The following SDK1 variants were observed in gnomAD, a reference collection of about 807,000 sequenced individuals.
SDK1 encodes the protein protein sidekick-1.
SDK1 carries 157 observed loss-of-function variants against 245.5 expected under a neutral mutation model. The observed-to-expected ratio is 0.64, with a 90% CI of 0.56 to 0.73. SDK1 has a LOEUF of 0.73. Among genes scored for constraint, SDK1 ranks in the 30% least tolerant of loss-of-function variants. SDK1 has a pLI of 0.00. For synonymous variants in SDK1, 1,647 were observed against 1,278.5 expected, an observed-to-expected ratio of 1.29 and a Z score of -6.15; for missense variants, 3,583 against 3,002.3, an observed-to-expected ratio of 1.19 and a Z score of -4.52.
chr7:4,016,696 T>G (rs1041315809), intron 16 of SDK1, among the ~76,000 whole-genome samples: 5 of 152,190 alleles, frequency 3.3e-5, no homozygotes, highest in African/African-American at 1.2e-4. Flanking sequence ...CTGATTCTTG[T>G]TCTGGGATAC....
At chr7:3,755,993 CTT>C (rs1054743428) in intron 4 of SDK1, among the ~76,000 whole-genome samples, 3 of 151,366 alleles carry the variant, frequency 2.0e-5, no homozygotes, top group Non-Finnish European at 4.4e-5. Flanking sequence ...ACATGCATAT[CTT>C]TGATGTTTTG....
intron 4 of SDK1, among the ~76,000 whole-genome samples, chr7:3,680,534 T>C (rs924386690): frequency 6.6e-6 from 1 of 152,244 alleles, no homozygotes; most frequent in African/African-American, 2.4e-5. Context: ...CAGGTTTTGA[T>C]ATTGTACCAT....
Position 4,000,771 on chromosome 7 carries a change from A to G in SDK1, c.2132-10195A>G, listed in dbSNP as rs554169535. Among the ~76,000 whole-genome samples the G allele has an allele frequency of 2.0e-5, 3 of 152,356 alleles. No homozygotes were observed. In the South Asian group the frequency reaches 6.2e-4, roughly 32 times the overall value. ...ACACACCTCACACAGGCGTTTTCTA[A>G]TGGCCTCGGACTTTTCGGGGAGCAT... On this transcript the variant is annotated intron_variant, in intron 14 of 44. Coordinates refer to ENST00000404826, the MANE Select transcript of SDK1 (RefSeq NM_152744.4).
intron 1 of SDK1, among the ~76,000 whole-genome samples, chr7:3,567,912 A>C (rs1439427786): frequency 6.6e-6 from 1 of 152,184 alleles, no homozygotes; most frequent in Non-Finnish European, 1.5e-5. Context: ...CGTGGGCCCA[A>C]GTGGGCTGAT....
chr7:3,520,899 AC>A (rs775011952), intron 1 of SDK1, among the ~76,000 whole-genome samples: 1 of 152,184 alleles, frequency 6.6e-6, no homozygotes, highest in Non-Finnish European at 1.5e-5. Context: ...CCAGTTTAAA[AC>A]AACACTCATT....
chr7:3,676,483 G>T (rs138368275), intron 4 of SDK1, among the ~76,000 whole-genome samples: 2 of 151,886 alleles, frequency 1.3e-5, no homozygotes, highest in African/African-American at 4.8e-5. Flanking sequence ...CTGCCACCAC[G>T]CCCAGCTAAT....
chr7:3,726,990 T>C (rs10230508), intron 4 of SDK1, among the ~76,000 whole-genome samples: 21,126 of 152,220 alleles, frequency 0.14, 2,198 homozygotes, highest in African/African-American at 0.29. Context: ...TTGCCTGTCT[T>C]CCTGATAAAT....
intron 35 of SDK1, among the ~76,000 whole-genome samples, chr7:4,195,240 C>A (rs1783507983): frequency 6.6e-6 from 1 of 152,212 alleles, no homozygotes; most frequent in African/African-American, 2.4e-5. Flanking sequence ...TCTAGCAACT[C>A]TGAAATGGTG....
intron 35 of SDK1, among the ~76,000 whole-genome samples, chr7:4,197,976 T>C (rs181391999): frequency 7.9e-4 from 121 of 152,318 alleles, no homozygotes; most frequent in African/African-American, 2.7e-3. Flanking sequence ...CCTCCAGGAA[T>C]GCTCAGCTCA....
intron 1 of SDK1, among the ~76,000 whole-genome samples, chr7:3,515,476 A>G (rs1782716319): frequency 6.6e-6 from 1 of 152,154 alleles, no homozygotes; most frequent in East Asian, 1.9e-4. Flanking sequence ...CTAACTCTGT[A>G]ACTTCATGAA....
intron 5 of SDK1, among the ~76,000 whole-genome samples, chr7:3,823,762 A>G (rs148765206): frequency 6.6e-6 from 1 of 152,158 alleles, no homozygotes; most frequent in East Asian, 1.9e-4. Context: ...ACTTATTTTA[A>G]ATCTTAGGAC....
intron 1 of SDK1, among the ~76,000 whole-genome samples, chr7:3,582,090 C>T (rs1349099310): frequency 3.1e-4 from 37 of 120,774 alleles, no homozygotes; most frequent in East Asian, 5.5e-4. Context: ...CTCAGGTAGG[C>T]CTGTCTCAGG....
chr7:3,815,871 A>G (rs1779495947), intron 4 of SDK1, among the ~76,000 whole-genome samples: 1 of 148,680 alleles, frequency 6.7e-6, no homozygotes, highest in Admixed American at 6.7e-5. Flanking sequence ...CAAATGTAAA[A>G]CAACAGAAAT....
chr7:3,726,687 A>G (rs1365523244), intron 4 of SDK1, among the ~76,000 whole-genome samples: 2 of 152,236 alleles, frequency 1.3e-5, no homozygotes, highest in South Asian at 2.1e-4. Context: ...AACATCAACC[A>G]CTGTGTTCTC....
At chr7:3,607,380 T>A (rs1349763486) in intron 1 of SDK1, among the ~76,000 whole-genome samples, 2 of 152,206 alleles carry the variant, frequency 1.3e-5, no homozygotes, top group Non-Finnish European at 2.9e-5. Flanking sequence ...AAAAGAAATA[T>A]GTGCGTTAGT....
chr7:3,690,577 C>T (rs1784414275), intron 4 of SDK1, among the ~76,000 whole-genome samples: 2 of 152,064 alleles, frequency 1.3e-5, no homozygotes, highest in Non-Finnish European at 2.9e-5. Context: ...AGTGGCCTCA[C>T]TGATATTGAT....
Position 4,049,454 on chromosome 7 carries a change from G to A in SDK1, c.2709G>A (p.Gln903=), listed in dbSNP as rs772162779. The change falls in exon 18 of 45, where the codon CAG becomes CAA. Residue 903 remains glutamine, a synonymous_variant. Transcript: ENST00000404826. The part of the protein sequence containing the change: ...PPQQFINGIN[Q]GYKLLAWPAD... ...AGCAGTTTATCAATGGCATCAACCAGGGATACAAGGTACGTGGCCTGGGTT... is the reference window on the plus strand; with the variant it reads ...AGCAGTTTATCAATGGCATCAACCAAGGATACAAGGTACGTGGCCTGGGTT... 2 of 1,612,996 alleles carry A rather than the reference G, an allele frequency of 1.2e-6. No individual in the cohort carries two copies. The highest frequency in any genetic ancestry group is 1.1e-5 in the South Asian group (1 of 91,066).
chr7:3,876,399 G>A (rs1486368026), intron 5 of SDK1, among the ~76,000 whole-genome samples: 2 of 152,158 alleles, frequency 1.3e-5, no homozygotes, highest in Admixed American at 6.5e-5. Context: ...GATGTGGAAA[G>A]AATCATCACA....
chr7:4,106,829 T>C (rs1370143762), intron 22 of SDK1, among the ~76,000 whole-genome samples: 3 of 151,950 alleles, frequency 2.0e-5, no homozygotes, highest in African/African-American at 7.3e-5. Flanking sequence ...ATCCCAGAGC[T>C]ACTGCCCTGA....
Sources: gnomAD v4.1 joint callset for allele counts (sites outside exome capture counted in the v4.1 genomes callset) on GRCh38, gnomAD v4.1.1 for gene constraint, MANE v1.5 for transcripts, NCBI Gene and HGNC (gene_info 2026-07-23, HGNC 2026-07-21) for gene names.